CTNNA3: variants seen among roughly 807,000 people sequenced by gnomAD.
CTNNA3 encodes the protein catenin alpha 3.
In CTNNA3, 76 loss-of-function variants were observed where a neutral mutation model predicts 95.7. The ratio of observed to expected loss-of-function variants is 0.79; its 90% CI spans 0.66 to 0.96. The LOEUF is 0.96. Ranked by LOEUF, CTNNA3 falls within the 40% of genes least tolerant of loss-of-function variation. The probability of loss-of-function intolerance (pLI) is 0.00; values close to 1 mark genes in which losing one functional copy is unlikely to be tolerated. For synonymous variants in CTNNA3, 431 were observed against 374.4 expected (o/e 1.15, Z -1.74); for missense variants, 1,191 against 1,089.8 (o/e 1.09, Z -1.31).
intron 7 of CTNNA3, among the ~76,000 whole-genome samples, chr10:66,947,140 G>A (rs6480242): frequency 0.97 from 146,861 of 152,086 alleles, 71,120 homozygotes; most frequent in East Asian, 1. Context: ...GATTGTATTA[G>A]AAAAAACTTG....
At chr10:66,430,819 A>T (rs2093288132) in intron 11 of CTNNA3, among the ~76,000 whole-genome samples, 1 of 152,142 alleles carries the variant, frequency 6.6e-6, no homozygotes, top group Non-Finnish European at 1.5e-5. Context: ...AACCTAGGCA[A>T]TACCATTCAG....
chr10:66,652,237 T>C (rs1335142341), intron 9 of CTNNA3, among the ~76,000 whole-genome samples: 5 of 151,316 alleles, frequency 3.3e-5, no homozygotes. Context: ...TGGAAGTTAA[T>C]CAAAATGGAC....
chr10:65,930,214 A>C (rs927504147), intron 17 of CTNNA3, among the ~76,000 whole-genome samples: 10 of 151,012 alleles, frequency 6.6e-5, no homozygotes, highest in East Asian at 5.8e-4. Flanking sequence ...AAAAAAAAAA[A>C]AAAAAAAAAA....
chr10:66,794,509 G>T (rs1841113503), intron 7 of CTNNA3, among the ~76,000 whole-genome samples: 1 of 152,058 alleles, frequency 6.6e-6, no homozygotes, highest in African/African-American at 2.4e-5. Flanking sequence ...CATATTTATT[G>T]CTAAAAAATG....
intron 6 of CTNNA3, among the ~76,000 whole-genome samples, chr10:67,204,629 T>C (rs568621075): frequency 2.6e-5 from 4 of 152,300 alleles, no homozygotes; most frequent in East Asian, 3.9e-4. Context: ...AGTATGTTGA[T>C]CTACTGATTA....
intron 7 of CTNNA3, among the ~76,000 whole-genome samples, chr10:67,111,762 G>A (rs950001920): frequency 2.0e-5 from 3 of 151,790 alleles, no homozygotes; most frequent in Non-Finnish European, 4.4e-5. Flanking sequence ...CAGATAACAC[G>A]CCAGTCTCCC....
chr10:67,493,334 G>T (rs2133083878), intron 5 of CTNNA3, among the ~76,000 whole-genome samples: 1 of 152,248 alleles, frequency 6.6e-6, no homozygotes, highest in Admixed American at 6.5e-5. Flanking sequence ...GGCCGAGGCG[G>T]GTGGATCATG....
chr10:66,530,115 A>G (rs1466280959), intron 10 of CTNNA3, among the ~76,000 whole-genome samples: 1 of 152,212 alleles, frequency 6.6e-6, no homozygotes. Flanking sequence ...ATAGTTCAAT[A>G]TTGGCATTGA....
intron 5 of CTNNA3, among the ~76,000 whole-genome samples, chr10:67,248,018 A>G (rs559570946): frequency 4.7e-4 from 72 of 152,328 alleles, no homozygotes; most frequent in African/African-American, 1.6e-3. Context: ...ACAATTCAAT[A>G]CAGAAAGGAT....
chr10:67,272,645 A>G (rs1839030132), intron 5 of CTNNA3, among the ~76,000 whole-genome samples: 2 of 152,200 alleles, frequency 1.3e-5, no homozygotes, highest in Admixed American at 1.3e-4. Context: ...AAACCAAACC[A>G]TTTTAGCAGA....
At chr10:66,671,574 T>G (rs1178675388) in intron 9 of CTNNA3, among the ~76,000 whole-genome samples, 1 of 152,220 alleles carries the variant, frequency 6.6e-6, no homozygotes, top group African/African-American at 2.4e-5. Context: ...GTTACTTTTC[T>G]TGTTAAACCC....
At chr10:66,643,675 A>G (rs2132387268) in intron 9 of CTNNA3, among the ~76,000 whole-genome samples, 1 of 152,260 alleles carries the variant, frequency 6.6e-6, no homozygotes, top group East Asian at 1.9e-4. Flanking sequence ...ACTTTATTCT[A>G]AGCTTTCTCT....
At chr10:67,167,330 T>A (rs1173872051) in intron 7 of CTNNA3, among the ~76,000 whole-genome samples, 1 of 152,120 alleles carries the variant, frequency 6.6e-6, no homozygotes, top group Non-Finnish European at 1.5e-5. Flanking sequence ...TGCAGCTCTA[T>A]CAACCAGAGT....
At chr10:66,679,580 A>C (rs976125372) in intron 9 of CTNNA3, among the ~76,000 whole-genome samples, 5 of 152,216 alleles carry the variant, frequency 3.3e-5, no homozygotes, top group Non-Finnish European at 5.9e-5. Context: ...TTGCCTGAGG[A>C]ACTTCATTCC....
intron 13 of CTNNA3, among the ~76,000 whole-genome samples, chr10:66,269,150 C>T (rs1425930369): frequency 4.6e-5 from 7 of 152,198 alleles, no homozygotes; most frequent in Non-Finnish European, 7.3e-5. Flanking sequence ...ACCATCCTTA[C>T]GTAGGTATCT....
At chr10:67,208,253 G>T (rs1241552966) in intron 6 of CTNNA3, among the ~76,000 whole-genome samples, 2 of 151,644 alleles carry the variant, frequency 1.3e-5, no homozygotes, top group African/African-American at 2.4e-5. Flanking sequence ...GGTGGCAGGC[G>T]CCTGTAATCT....
At chr10:66,542,969 T>C (rs1298240386) in intron 10 of CTNNA3, among the ~76,000 whole-genome samples, 1 of 152,128 alleles carries the variant, frequency 6.6e-6, no homozygotes, top group Non-Finnish European at 1.5e-5. Flanking sequence ...AGAAATGTAT[T>C]CTAATGAAAT....
At chr10:67,510,727 G>C (rs1231355011) in intron 5 of CTNNA3, among the ~76,000 whole-genome samples, 1 of 152,168 alleles carries the variant, frequency 6.6e-6, no homozygotes. Context: ...CCAATTCTGT[G>C]AGGAAAGTCA....
At chr10:67,132,105 A>G (rs1860039309) in intron 7 of CTNNA3, among the ~76,000 whole-genome samples, 1 of 152,144 alleles carries the variant, frequency 6.6e-6, no homozygotes, top group South Asian at 2.1e-4. Flanking sequence ...ACAAGGATAG[A>G]GCAAAATTAA....
Sources: allele counts gnomAD v4.1 joint callset (sites outside exome capture counted in the v4.1 genomes callset), GRCh38; gene constraint gnomAD v4.1.1; transcripts MANE v1.5; gene names NCBI Gene and HGNC (gene_info 2026-07-23, HGNC 2026-07-21).